The following IFIT1 variants were observed in gnomAD, a reference collection of about 807,000 sequenced individuals.
IFIT1 encodes antiviral innate immune response effector IFIT1.
In IFIT1, 1 loss-of-function variant was observed where a neutral mutation model predicts 2.5. The observed-to-expected ratio is 0.40, with a 90% CI of 0.14 to 1.92. The LOEUF (loss-of-function observed/expected upper bound fraction) is 1.92, where lower values mean the gene tolerates loss of function less well. Among genes scored for constraint, IFIT1 ranks in the 40% most tolerant of loss-of-function variants. IFIT1 has a pLI of 0.31. For missense variants in IFIT1, 508 were observed against 557.8 expected (o/e 0.91, Z 0.90); for synonymous variants, 191 against 201.7 (o/e 0.95, Z 0.45).
In IFIT1 at chr10:89,402,750, C is replaced by T. The variant is rs751390523; in HGVS notation, c.475C>T (p.Arg159Trp). The change falls in exon 2 of 2, where the codon CGG (arginine) becomes TGG (tryptophan). Residue 159 changes from arginine (R) to tryptophan (W), a missense_variant. Physicochemically the swap from Arg to Trp is moderately radical, Grantham distance 101. Transcript: ENST00000371804. ...GAAGTGTGGAGGAAAAAATTATGAA[C>T]GGGCCAAGGCCTGCTTTGAAAAGGT... ...LLKCGGKNYE[R>W]AKACFEKVLE... 1.1e-5 allele frequency: 17 copies of T among 1,614,032 alleles called. No individual in the cohort carries two copies. Among genetic ancestry groups the T allele is most frequent in the Admixed American group, 3.3e-5 (2 of 59,994 alleles).
intron 1 of IFIT1, chr10:89,392,980 GA>G: frequency 1.4e-6 from 1 of 700,342 alleles, no homozygotes; most frequent in Non-Finnish European, 2.2e-6. Flanking sequence ...AGGGAAATGG[GA>G]AAAGAGTTTT....
chr10:89,402,820 C>A lies in IFIT1; in HGVS notation c.545C>A (p.Ala182Glu). 6.2e-7 allele frequency: 1 copy of A among 1,614,176 alleles called. No homozygotes were observed. The highest frequency in any genetic ancestry group is 8.5e-7 in the Non-Finnish European group (1 of 1,180,034). The change falls in exon 2 of 2, where the codon GCG becomes GAG. Residue 182 changes from alanine (A) to glutamate (E), a missense_variant. Ala to Glu is a moderately radical substitution (Grantham distance 107, BLOSUM62 -1). Transcript: ENST00000371804. ...AACCCTGAATCCAGCGCTGGGTATG[C>A]GATCTCTGCCTATCGCCTGGATGGC... ...PENPESSAGYAISAYRLDGFK... is the reference protein window; with the variant it reads ...PENPESSAGYEISAYRLDGFK...
rs1844519150 is a variant in IFIT1 at position 89,405,744 on chromosome 10, T to C, written c.*2032T>C. 3 of 152,380 alleles carry C rather than the reference T, an allele frequency of 2.0e-5. No homozygotes were observed. The South Asian group carries it at 6.2e-4, about 32-fold the overall frequency. 9.4% of individuals were successfully genotyped at this position (152,380 alleles called of 1,614,324 possible). ...TTCTCTCCTCTGACTCTTTTGCCTC[T>C]TTCTTCTAAGGACGCACCAGGTCCA... On this transcript the variant is annotated 3_prime_UTR_variant, in exon 2 of 2. Transcript: ENST00000371804.
Position 89,403,712 on chromosome 10 carries a change from G to T in IFIT1, c.1437G>T (p.Ter479TyrextTer19), listed in dbSNP as rs1180839528. Residue 479 changes from the stop codon to tyrosine, a stop_lost, in exon 2 of 2, where the codon TAG becomes TAT. Coordinates refer to ENST00000371804, the MANE Select transcript of IFIT1 (RefSeq NM_001548.5). ...DFENSVRQGP* is the reference protein window; with the variant it reads ...DFENSVRQGPY ...AGAACTCTGTGAGACAAGGTCCTTA[G>T]GCACCCAGATATCAGCCACTTTCAC... 1.3e-6 allele frequency: 2 copies of T among 1,527,808 alleles called. No homozygotes were observed. The highest frequency in any genetic ancestry group is 2.8e-5 in the African/African-American group (2 of 71,554). The allele number at this position is 1,527,808 out of a possible 1,614,324, so 94.6% of individuals were successfully genotyped here.
In IFIT1 at chr10:89,406,349, A is replaced by G. The variant is rs1422662898; in HGVS notation, c.*2637A>G. 1 of 152,204 alleles carries G rather than the reference A, an allele frequency of 6.6e-6. No homozygotes were observed. The highest frequency in any genetic ancestry group is 1.9e-4 in the East Asian group (1 of 5,192). The allele number at this position is 152,204 out of a possible 1,614,324, so 9.4% of individuals were successfully genotyped here. A position where few individuals can be genotyped will look rare whatever the true frequency, so the allele number is the denominator to read the frequency against. On this transcript the variant is annotated 3_prime_UTR_variant, in exon 2 of 2. Coordinates refer to ENST00000371804, the MANE Select transcript of IFIT1 (RefSeq NM_001548.5). Reference sequence around the variant, plus strand: ...CAATCAGCTCTCTGTAAAATGGACCAATCAGCAGGATGTGGGTGGGGCCAA... The same window carrying G: ...CAATCAGCTCTCTGTAAAATGGACCGATCAGCAGGATGTGGGTGGGGCCAA...
At chr10:89,395,270 G>A (rs1228253736) in intron 1 of IFIT1, among the ~76,000 whole-genome samples, 2 of 141,318 alleles carry the variant, frequency 1.4e-5, no homozygotes, top group Non-Finnish European at 3.0e-5. Context: ...GCACCTGCTT[G>A]CTCTAAACCC....
intron 1 of IFIT1, among the ~76,000 whole-genome samples, chr10:89,399,247 G>A (rs945841344): frequency 2.6e-5 from 4 of 152,038 alleles, no homozygotes; most frequent in Admixed American, 6.6e-5. Context: ...GAGTTGTAGA[G>A]GTTCTTTATC....
rs373299162 is a variant in IFIT1 at position 89,405,371 on chromosome 10, A to G, written c.*1659A>G. 8 of 152,378 alleles carry G rather than the reference A, an allele frequency of 5.3e-5. No homozygotes were observed. The East Asian group carries it at 9.6e-4, about 18-fold the overall frequency. The allele number at this position is 152,378 out of a possible 1,614,324, so 9.4% of individuals were successfully genotyped here. A position where few individuals can be genotyped will look rare whatever the true frequency, so the allele number is the denominator to read the frequency against. Reference sequence around the variant, plus strand: ...ATATTTTATTGAAAGGCAAGGCACAACAAATAATAAGAAGGAAAAAATAAA... The same window carrying G: ...ATATTTTATTGAAAGGCAAGGCACAGCAAATAATAAGAAGGAAAAAATAAA... On this transcript the variant is annotated 3_prime_UTR_variant, in exon 2 of 2. Coordinates refer to ENST00000371804, the MANE Select transcript of IFIT1 (RefSeq NM_001548.5).
At position 89,402,788 on chromosome 10, in the gene IFIT1, C is replaced by G. The variant is rs1844454003; in HGVS notation, c.513C>G (p.Asp171Glu). Residue 171 changes from aspartate to glutamate, a missense_variant, in exon 2 of 2, where the codon GAC (aspartate) becomes GAG (glutamate). Coordinates refer to ENST00000371804, the MANE Select transcript of IFIT1 (RefSeq NM_001548.5). ...KACFEKVLEV[D>E]PENPESSAGY... Reference sequence around the variant, plus strand: ...GCTTTGAAAAGGTGCTTGAAGTGGACCCTGAAAACCCTGAATCCAGCGCTG... The same window carrying G: ...GCTTTGAAAAGGTGCTTGAAGTGGAGCCTGAAAACCCTGAATCCAGCGCTG... 2.5e-6 allele frequency: 4 copies of G among 1,614,162 alleles called. No individual in the cohort carries two copies. Among genetic ancestry groups the G allele is most frequent in the Non-Finnish European group, 3.4e-6 (4 of 1,180,030 alleles).
At position 89,403,402 on chromosome 10, in the gene IFIT1, C is replaced by G; in HGVS notation, c.1127C>G (p.Thr376Arg). The G allele has an allele frequency of 6.2e-7, 1 of 1,613,650 alleles. No individual in the cohort carries two copies. The highest frequency in any genetic ancestry group is 8.5e-7 in the Non-Finnish European group (1 of 1,179,846). Residue 376 changes from threonine (T) to arginine (R), a missense_variant, in exon 2 of 2, where the codon ACA becomes AGA. Thr to Arg is a moderately conservative substitution (Grantham distance 71, BLOSUM62 -1). Transcript: ENST00000371804. Reference sequence around the variant, plus strand: ...TGCATGAAACCAGTGGTAGAAGAAACAATGCAAGACATACATTTCCACTAT... The same window carrying G: ...TGCATGAAACCAGTGGTAGAAGAAAGAATGCAAGACATACATTTCCACTAT... ...LLCMKPVVEE[T>R]MQDIHFHYGR... is the part of the protein sequence containing the mutation.
At chr10:89,398,146 T>C (rs1464495165) in intron 1 of IFIT1, among the ~76,000 whole-genome samples, 1 of 152,190 alleles carries the variant, frequency 6.6e-6, no homozygotes, top group Non-Finnish European at 1.5e-5. Flanking sequence ...GCAAGCCTTC[T>C]GAAAGGTCAG....
intron 1 of IFIT1, among the ~76,000 whole-genome samples, chr10:89,399,412 T>C (rs1015753641): frequency 3.9e-5 from 6 of 152,238 alleles, no homozygotes; most frequent in Admixed American, 3.9e-4. Context: ...TGTTATTGCC[T>C]GTGATTTTGG....
chr10:89,396,397 G>A (rs1031381296), intron 1 of IFIT1, among the ~76,000 whole-genome samples: 2 of 152,194 alleles, frequency 1.3e-5, no homozygotes, highest in Non-Finnish European at 2.9e-5. Flanking sequence ...TCAGCTTCTG[G>A]TGAGGGCTTT....
intron 1 of IFIT1, among the ~76,000 whole-genome samples, chr10:89,395,161 T>G (rs974666163): frequency 6.6e-6 from 1 of 152,024 alleles, no homozygotes; most frequent in Non-Finnish European, 1.5e-5. Context: ...TATGACCTAT[T>G]TGACTTGCCC....
intron 1 of IFIT1, among the ~76,000 whole-genome samples, chr10:89,393,779 AT>A (rs1304025225): frequency 6.6e-6 from 1 of 152,136 alleles, no homozygotes; most frequent in Non-Finnish European, 1.5e-5. Flanking sequence ...TGATTTGTAA[AT>A]TTTCCCCTCA....
At chr10:89,396,955 T>C (rs1267210543) in intron 1 of IFIT1, among the ~76,000 whole-genome samples, 1 of 152,228 alleles carries the variant, frequency 6.6e-6, no homozygotes, top group Non-Finnish European at 1.5e-5. Flanking sequence ...GCTGTAAATA[T>C]ACTTACATAT....
At position 89,404,433 on chromosome 10, in the gene IFIT1, T is replaced by C. The variant is rs1484388810; in HGVS notation, c.*721T>C. On this transcript the variant is annotated 3_prime_UTR_variant, in exon 2 of 2. Transcript: ENST00000371804. The stretch of plus-strand genomic sequence containing the variant: ...TTTGATATAGAAAGGCTAATTTTGC[T>C]GTATTTTAATGTTAAGTCTCCACCA... The C allele has an allele frequency of 6.6e-6, 1 of 152,242 alleles. No homozygotes were observed. The highest frequency in any genetic ancestry group is 1.5e-5 in the Non-Finnish European group (1 of 68,062). The allele number at this position is 152,242 out of a possible 1,614,324, so 9.4% of individuals were successfully genotyped here.
rs892704246 is a variant in IFIT1 at position 89,404,734 on chromosome 10, C to T, written c.*1022C>T. The T allele has an allele frequency of 2.6e-5, 4 of 152,214 alleles. No homozygotes were observed. Among genetic ancestry groups the T allele is most frequent in the Non-Finnish European group, 5.9e-5 (4 of 68,074 alleles). 9.4% of individuals were successfully genotyped at this position (152,214 alleles called of 1,614,324 possible). ...CTTCGATGGGACGAGGCAGGCAGAT[C>T]ACCTGAACCCAGGAGTTCGAGAGCA... On this transcript the variant is annotated 3_prime_UTR_variant, in exon 2 of 2. Transcript: ENST00000371804.
chr10:89,405,017 T>C lies in IFIT1; in HGVS notation c.*1305T>C, dbSNP rs1398297873. On this transcript the variant is annotated 3_prime_UTR_variant, in exon 2 of 2. Coordinates refer to ENST00000371804, the MANE Select transcript of IFIT1 (RefSeq NM_001548.5). ...AGCTTGTGATTTTATGTCAACACTA[T>C]CAATAAATAGCTTTCAGTGCAAGAA... 1 of 152,022 alleles carries C rather than the reference T, an allele frequency of 6.6e-6. No individual in the cohort carries two copies. Among genetic ancestry groups the C allele is most frequent in the Non-Finnish European group, 1.5e-5 (1 of 67,998 alleles). The allele number at this position is 152,022 out of a possible 1,614,324, so 9.4% of individuals were successfully genotyped here. A position where few individuals can be genotyped will look rare whatever the true frequency, so the allele number is the denominator to read the frequency against.
Sources: allele counts gnomAD v4.1 joint callset (sites outside exome capture counted in the v4.1 genomes callset), GRCh38; gene constraint gnomAD v4.1.1; transcripts MANE v1.5; gene names NCBI Gene and HGNC (gene_info 2026-07-23, HGNC 2026-07-21).